TMTC2: variants seen among roughly 807,000 people sequenced by gnomAD.
TMTC2 encodes transmembrane O-mannosyltransferase targeting cadherins 2, also known as protein O-mannosyl-transferase TMTC2.
In TMTC2, 43 loss-of-function variants were observed where a neutral mutation model predicts 82.4. The observed-to-expected ratio is 0.52, with a 90% CI of 0.41 to 0.67. The LOEUF (loss-of-function observed/expected upper bound fraction) is 0.67, where lower values mean the gene tolerates loss of function less well. Among genes scored for constraint, TMTC2 ranks in the 30% least tolerant of loss-of-function variants. The probability of loss-of-function intolerance (pLI) is 0.00; values close to 1 mark genes in which losing one functional copy is unlikely to be tolerated. For missense variants in TMTC2, 919 were observed against 1,012.4 expected, an observed-to-expected ratio of 0.91 and a Z score of 1.25; for synonymous variants, 408 against 381.9, an observed-to-expected ratio of 1.07 and a Z score of -0.80.
chr12:82,894,012 T>C (rs1873530472), intron 2 of TMTC2, among the ~76,000 whole-genome samples: 2 of 152,152 alleles, frequency 1.3e-5, no homozygotes, highest in Non-Finnish European at 2.9e-5. Flanking sequence ...GACTTGATAA[T>C]GAGTGGAATG....
chr12:82,722,152 T>G (rs1223353447), intron 1 of TMTC2, among the ~76,000 whole-genome samples: 4 of 152,120 alleles, frequency 2.6e-5, no homozygotes, highest in Non-Finnish European at 4.4e-5. Context: ...AGCTTTTGAC[T>G]TAAAAAAGAA....
At chr12:82,961,078 T>A (rs12304043) in intron 4 of TMTC2, among the ~76,000 whole-genome samples, 1 of 151,638 alleles carries the variant, frequency 6.6e-6, no homozygotes, top group Non-Finnish European at 1.5e-5. Context: ...AGGTTCGTTA[T>A]GTGCAAAATG....
chr12:83,031,546 C>T (rs1881431057), intron 9 of TMTC2, among the ~76,000 whole-genome samples: 1 of 152,146 alleles, frequency 6.6e-6, no homozygotes, highest in African/African-American at 2.4e-5. Context: ...ACCAGATTTG[C>T]AGTTGGAATT....
At chr12:82,899,882 G>A (rs1033158535) in intron 3 of TMTC2, among the ~76,000 whole-genome samples, 3 of 142,606 alleles carry the variant, frequency 2.1e-5, no homozygotes, top group Non-Finnish European at 4.5e-5. Context: ...TACATATCCG[G>A]AATATAGATA....
rs114272106 is a variant in TMTC2 at position 83,114,097 on chromosome 12, T to A, written c.2332-18113T>A. Among the ~76,000 whole-genome samples, 833 of 152,198 alleles carry A rather than the reference T, an allele frequency of 5.5e-3. 10 individuals carry two copies. Among genetic ancestry groups the A allele is most frequent in the African/African-American group, 0.019 (794 of 41,516 alleles). On this transcript the variant is annotated intron_variant, in intron 11 of 11. Coordinates refer to ENST00000321196, the MANE Select transcript of TMTC2 (RefSeq NM_152588.3). ...TGCTTTGGAAGATGAAAAAAAAATG[T>A]CTCACGCATCTGCTATGGACTGAAT... is the stretch of plus-strand genomic sequence containing the variant.
At chr12:82,999,822 C>T (rs994273111) in intron 8 of TMTC2, among the ~76,000 whole-genome samples, 13 of 152,120 alleles carry the variant, frequency 8.5e-5, no homozygotes, top group African/African-American at 3.1e-4. Context: ...GGACACAGAG[C>T]CAAACCATAT....
intron 11 of TMTC2, among the ~76,000 whole-genome samples, chr12:83,107,421 G>C (rs1035303749): frequency 6.6e-6 from 1 of 152,072 alleles, no homozygotes; most frequent in Admixed American, 6.6e-5. Context: ...ACATGGCAGG[G>C]GTATCACTTG....
intron 1 of TMTC2, among the ~76,000 whole-genome samples, chr12:82,817,372 T>G (rs1481422178): frequency 1.3e-5 from 2 of 152,174 alleles, no homozygotes; most frequent in Non-Finnish European, 2.9e-5. Context: ...TAAAGCCATT[T>G]TGTGTTTATT....
chr12:83,082,550 T>C (rs907171737), intron 11 of TMTC2, among the ~76,000 whole-genome samples: 14 of 152,236 alleles, frequency 9.2e-5, no homozygotes, highest in Non-Finnish European at 2.1e-4. Flanking sequence ...ATCAAGTTTT[T>C]ATTTAATACT....
At chr12:82,873,137 A>G (rs759764453) in intron 2 of TMTC2, among the ~76,000 whole-genome samples, 2 of 152,036 alleles carry the variant, frequency 1.3e-5, no homozygotes, top group African/African-American at 4.8e-5. Context: ...AAGAACTTTT[A>G]ACTATCACCA....
intron 1 of TMTC2, among the ~76,000 whole-genome samples, chr12:82,733,312 T>C (rs1259294257): frequency 6.6e-6 from 1 of 152,226 alleles, no homozygotes; most frequent in Non-Finnish European, 1.5e-5. Context: ...TTCAGCAACA[T>C]GCGTTGAGTA....
chr12:83,120,364 C>T (rs767587677), intron 11 of TMTC2, among the ~76,000 whole-genome samples: 6 of 152,172 alleles, frequency 3.9e-5, no homozygotes, highest in Non-Finnish European at 4.4e-5. Flanking sequence ...TGAATTCTCT[C>T]AGCATTTGTT....
chr12:82,903,665 G>A (rs572731874), intron 3 of TMTC2, among the ~76,000 whole-genome samples: 26 of 152,176 alleles, frequency 1.7e-4, no homozygotes, highest in Admixed American at 2.0e-4. Flanking sequence ...CACCCTCCTC[G>A]GCCTCCCAAA....
intron 1 of TMTC2, among the ~76,000 whole-genome samples, chr12:82,837,916 T>C (rs889546863): frequency 6.6e-6 from 1 of 152,214 alleles, no homozygotes; most frequent in East Asian, 1.9e-4. Context: ...GAAGCAGCAC[T>C]AGAACAGTAG....
At chr12:83,101,355 T>A (rs1884209102) in intron 11 of TMTC2, among the ~76,000 whole-genome samples, 1 of 152,220 alleles carries the variant, frequency 6.6e-6, no homozygotes, top group Admixed American at 6.5e-5. Context: ...AAACTGAGAA[T>A]GATTTCATAG....
chr12:82,985,914 T>C lies in TMTC2; in HGVS notation c.1949-11T>C. 1 of 1,611,548 alleles carries C rather than the reference T, an allele frequency of 6.2e-7. No homozygotes were observed. The highest frequency in any genetic ancestry group is 8.5e-7 in the Non-Finnish European group (1 of 1,178,186). ...CCTCCCTTTGACCTTCATGATTAAT[T>C]CTCTTTCCAGGTGAAGCATATATGC... On this transcript the variant is annotated splice_polypyrimidine_tract_variant and intron_variant, in intron 7 of 11. Transcript: ENST00000321196.
At chr12:83,048,715 C>A (rs1244772210) in intron 9 of TMTC2, among the ~76,000 whole-genome samples, 1 of 152,230 alleles carries the variant, frequency 6.6e-6, no homozygotes. Context: ...GTCGCCCAGG[C>A]TGAAGTGCAG....
intron 4 of TMTC2, among the ~76,000 whole-genome samples, chr12:82,930,861 A>C (rs1016626225): frequency 1.3e-5 from 2 of 152,146 alleles, no homozygotes; most frequent in African/African-American, 2.4e-5. Context: ...TGAGTTCATA[A>C]AATAAGCCTG....
intron 1 of TMTC2, among the ~76,000 whole-genome samples, chr12:82,698,582 G>A (rs1872925084): frequency 6.6e-6 from 1 of 152,104 alleles, no homozygotes; most frequent in Non-Finnish European, 1.5e-5. Context: ...AACCCCCAGT[G>A]TATGCCTGAA....
Sources: gnomAD v4.1 joint callset for allele counts (sites outside exome capture counted in the v4.1 genomes callset) on GRCh38, gnomAD v4.1.1 for gene constraint, MANE v1.5 for transcripts, NCBI Gene and HGNC (gene_info 2026-07-23, HGNC 2026-07-21) for gene names.